KLHL14: variants seen among roughly 807,000 people sequenced by gnomAD.
KLHL14 encodes kelch like family member 14.
A neutral mutation model predicts 64.3 loss-of-function variants in KLHL14; 22 were observed. The observed-to-expected ratio is 0.34, with a 90% CI of 0.24 to 0.49. The LOEUF (loss-of-function observed/expected upper bound fraction) is 0.49, where lower values mean the gene tolerates loss of function less well. Ranked by LOEUF, KLHL14 falls within the 20% of genes least tolerant of loss-of-function variation. The pLI is 0.99. For synonymous variants in KLHL14, 322 were observed against 333.4 expected (o/e 0.97, Z 0.37); for missense variants, 661 against 789.0 (o/e 0.84, Z 1.94).
At chr18:32,748,981 C>G (rs1418923711) in intron 2 of KLHL14, among the ~76,000 whole-genome samples, 1 of 152,126 alleles carries the variant, frequency 6.6e-6, no homozygotes, top group East Asian at 1.9e-4. Flanking sequence ...CATCATTATC[C>G]TCATCCTCAT....
intron 2 of KLHL14, among the ~76,000 whole-genome samples, chr18:32,751,592 T>C (rs553177374): frequency 1.3e-5 from 2 of 152,190 alleles, no homozygotes; most frequent in Non-Finnish European, 2.9e-5. Flanking sequence ...AGTCTGACTT[T>C]GGGCTCCTCC....
At chr18:32,745,984 G>T (rs542897690) in intron 2 of KLHL14, among the ~76,000 whole-genome samples, 46 of 152,234 alleles carry the variant, frequency 3.0e-4, no homozygotes, top group African/African-American at 9.9e-4. Context: ...TTTTAGATTA[G>T]TCAAAATTTA....
At chr18:32,759,569 G>A (rs888184778) in intron 2 of KLHL14, among the ~76,000 whole-genome samples, 4 of 152,144 alleles carry the variant, frequency 2.6e-5, no homozygotes, top group African/African-American at 9.7e-5. Context: ...CTGAAAATTG[G>A]TTAAGTAAAT....
rs771600438 is a variant in KLHL14, at chr18:32,770,299, GGCT to G, written c.290_292del (p.Gln97del). The G allele has an allele frequency of 3.0e-5, 47 of 1,586,194 alleles. No individual in the cohort carries two copies. In the East Asian group the frequency reaches 4.7e-4, roughly 16 times the overall value. On this transcript the variant is annotated inframe_deletion, in exon 2 of 9. Coordinates refer to ENST00000359358, the MANE Select transcript of KLHL14 (RefSeq NM_020805.3). This position sits in a 1 kb window ranked among gnomAD's most constrained non-coding sequence, Gnocchi z 6.7. ...AGTCCCGGGCTCCTCCTGCGGCGGC[GGCT>G]GCTGCTGCTGTGACGGCTGCTGCTG...
In KLHL14 at chr18:32,680,853, C is replaced by T. The variant is rs1174350752; in HGVS notation, c.1239-254G>A. ...GGAGAAATTCACCAACTCTTTGTTT[C>T]AGCCCTTGTTATCTTGTTTTATACA... On this transcript the variant is annotated intron_variant, in intron 5 of 8. Transcript: ENST00000359358. This position sits in a 1 kb window ranked among gnomAD's most constrained non-coding sequence, Gnocchi z 4.8. Among the ~76,000 whole-genome samples, 6 of 151,728 alleles carry T rather than the reference C, an allele frequency of 4.0e-5. No individual in the cohort carries two copies. The highest frequency in any genetic ancestry group is 1.5e-5 in the Non-Finnish European group (1 of 68,014).
In KLHL14 at chr18:32,680,399, A is replaced by G. The variant is rs749447210; in HGVS notation, c.1429+10T>C. 2.9e-5 allele frequency: 47 copies of G among 1,613,802 alleles called. No homozygotes were observed. In the South Asian group the frequency reaches 4.6e-4, roughly 16 times the overall value. ...TGAACTTTGTAACAGAAAGTGGAGG[A>G]ATTACTTGCCTGAAATGTATATTTT... is the stretch of plus-strand genomic sequence containing the variant. On this transcript the variant is annotated intron_variant, in intron 6 of 8. Transcript: ENST00000359358. This position sits in a 1 kb window ranked among gnomAD's most constrained non-coding sequence, Gnocchi z 4.8.
rs1184986308 is a variant in KLHL14, at chr18:32,683,004, G to A, written c.1239-2405C>T. ...TGTGCAGCATTAGTCTAGAAGAAAA[G>A]ATGCCACTTAGTCACAACAAGTATG... On this transcript the variant is annotated intron_variant, in intron 5 of 8. Coordinates refer to ENST00000359358, the MANE Select transcript of KLHL14 (RefSeq NM_020805.3). The surrounding 1 kb of genome is among the most constrained non-coding windows in gnomAD (Gnocchi z 4.2). Among the ~76,000 whole-genome samples the A allele has an allele frequency of 6.6e-6, 1 of 152,156 alleles. No homozygotes were observed.
chr18:32,760,524 G>A (rs1237285733), intron 2 of KLHL14, among the ~76,000 whole-genome samples: 2 of 152,092 alleles, frequency 1.3e-5, no homozygotes, highest in Non-Finnish European at 2.9e-5. Context: ...GGCACATAAG[G>A]CAGGGAAGTG....
chr18:32,770,190 C>G lies in KLHL14; in HGVS notation c.402G>C (p.Gly134=). 6.2e-7 allele frequency: 1 copy of G among 1,613,184 alleles called. No individual in the cohort carries two copies. The highest frequency in any genetic ancestry group is 8.5e-7 in the Non-Finnish European group (1 of 1,179,280). ...NLVLQGCSSI[G]LRLVLEYLYT... ...AGAGGTACTCGAGCACCAGGCGCAG[C>G]CCGATGGACGAGCAGCCCTGCAGCA... The change falls in exon 2 of 9, where the codon GGG becomes GGC. Residue 134 remains glycine, a synonymous_variant. Transcript: ENST00000359358. This position sits in a 1 kb window ranked among gnomAD's most constrained non-coding sequence, Gnocchi z 6.7.
At chr18:32,726,549 G>A (rs57955315) in intron 3 of KLHL14, among the ~76,000 whole-genome samples, 6,844 of 151,934 alleles carry the variant, frequency 0.045, 519 homozygotes, top group African/African-American at 0.16. Context: ...ACTTGAACCC[G>A]GGAGGCAGAG....
intron 8 of KLHL14, 62 bp downstream of exon 8, chr18:32,677,111 A>G: frequency 6.6e-7 from 1 of 1,518,966 alleles, no homozygotes. Flanking sequence ...CACATTTGGA[A>G]GGATACAGAA....
chr18:32,703,068 C>G (rs1455072037), intron 3 of KLHL14, among the ~76,000 whole-genome samples: 1 of 152,154 alleles, frequency 6.6e-6, no homozygotes, highest in Non-Finnish European at 1.5e-5. Context: ...TACTGTATCA[C>G]TTGCCAAGTG....
chr18:32,693,411 C>CAGAGAGAGAG (rs1170904090), intron 4 of KLHL14, among the ~76,000 whole-genome samples: 9 of 113,064 alleles, frequency 8.0e-5, no homozygotes, highest in African/African-American at 3.2e-4. Flanking sequence ...CACACACACA[C>CAGAGAGAGAG]ACAGAGAGAG....
chr18:32,695,587 T>A (rs910767245), intron 3 of KLHL14, 35 bp from the exon 4 acceptor site: 31 of 1,379,140 alleles, frequency 2.2e-5, no homozygotes, highest in Non-Finnish European at 3.1e-5. Context: ...ACATATGAAA[T>A]TTTCCATCTC....
At chr18:32,747,502 CAT>C (rs1381644433) in intron 2 of KLHL14, among the ~76,000 whole-genome samples, 1 of 152,170 alleles carries the variant, frequency 6.6e-6, no homozygotes, top group Non-Finnish European at 1.5e-5. Context: ...ACTTCCCTCA[CAT>C]GTGCAATTCA....
chr18:32,686,512 G>T (rs909984031), intron 5 of KLHL14, among the ~76,000 whole-genome samples: 5 of 152,074 alleles, frequency 3.3e-5, no homozygotes, highest in Non-Finnish European at 5.9e-5. Context: ...GTAGCCAGGA[G>T]ACTTGGTCGA....
At chr18:32,746,592 A>G (rs529422827) in intron 2 of KLHL14, among the ~76,000 whole-genome samples, 5 of 152,256 alleles carry the variant, frequency 3.3e-5, no homozygotes, top group Admixed American at 3.3e-4. Context: ...TCCATGATAC[A>G]TGAGAAAAGT....
At chr18:32,688,226 G>T (rs980634272) in intron 4 of KLHL14, among the ~76,000 whole-genome samples, 2 of 152,112 alleles carry the variant, frequency 1.3e-5, no homozygotes, top group Non-Finnish European at 2.9e-5. Context: ...ACTAAACATT[G>T]AGAGATGGGT....
Position 32,734,130 on chromosome 18 carries a change from G to A in KLHL14, c.1069+7798C>T, listed in dbSNP as rs570253610. 4.6e-5 allele frequency: 32 copies of A among 702,610 alleles called. 1 individual carries two copies. In the South Asian group the frequency reaches 4.6e-4, roughly 10 times the overall value. 43.5% of individuals were successfully genotyped at this position (702,610 alleles called of 1,614,324 possible). On this transcript the variant is annotated intron_variant, in intron 3 of 8. Transcript: ENST00000359358. ...GAATACACTGAATATTTGATGTCTAGTAGTATAATTATGATAGTCACATTG... is the reference window on the plus strand; with the variant it reads ...GAATACACTGAATATTTGATGTCTAATAGTATAATTATGATAGTCACATTG...
Sources: allele counts gnomAD v4.1 joint callset (sites outside exome capture counted in the v4.1 genomes callset), GRCh38; gene constraint gnomAD v4.1.1; non-coding constraint Gnocchi (gnomAD v3.1); transcripts MANE v1.5; gene names NCBI Gene and HGNC (gene_info 2026-07-23, HGNC 2026-07-21).